NFIB: variants seen among roughly 807,000 people sequenced by gnomAD.
The protein encoded by NFIB is nuclear factor 1 B-type.
NFIB carries 11 observed loss-of-function variants against 61.5 expected under a neutral mutation model. The observed-to-expected ratio is 0.18, with a 90% CI of 0.11 to 0.30. The LOEUF is 0.30. Among genes scored for constraint, NFIB ranks in the 10% least tolerant of loss-of-function variants. The pLI is 1.00. For missense variants in NFIB, 471 were observed against 608.9 expected (o/e 0.77, Z 2.38); for synonymous variants, 260 against 216.5 (o/e 1.20, Z -1.76).
chr9:14,185,078 T>C (rs983887819), intron 2 of NFIB, among the ~76,000 whole-genome samples: 22 of 42,560 alleles, frequency 5.2e-4, no homozygotes, highest in Non-Finnish European at 1.4e-3. Context: ...CCTTTAAATA[T>C]TGTTTTAAAA....
chr9:14,106,179 G>C (rs772385999), intron 10 of NFIB, among the ~76,000 whole-genome samples: 6 of 151,996 alleles, frequency 3.9e-5, no homozygotes, highest in Non-Finnish European at 5.9e-5. Context: ...TAGAAATTCA[G>C]TCTGTTAGAA....
rs115129825 is a variant in NFIB, at chr9:14,279,172, A to G, written c.562+27817T>C. 4.7e-3 allele frequency among the ~76,000 whole-genome samples: 718 copies of G among 152,262 alleles called. 5 individuals are homozygous for G. Among genetic ancestry groups the G allele is most frequent in the African/African-American group, 0.015 (631 of 41,548 alleles). On this transcript the variant is annotated intron_variant, in intron 2 of 10. Coordinates refer to ENST00000380953, the MANE Select transcript of NFIB (RefSeq NM_001190737.2). ...TGATTGTTAACAATGCCATCATTATACAGACGGCAAAACCGAAGCACAAGT... is the reference window on the plus strand; with the variant it reads ...TGATTGTTAACAATGCCATCATTATGCAGACGGCAAAACCGAAGCACAAGT...
intron 6 of NFIB, among the ~76,000 whole-genome samples, chr9:14,129,690 A>T (rs1044212425): frequency 1.3e-5 from 2 of 152,208 alleles, no homozygotes; most frequent in Admixed American, 1.3e-4. Context: ...CTGTGAAGAA[A>T]AACAAATACC....
At chr9:14,189,657 A>G (rs1171582783) in intron 2 of NFIB, among the ~76,000 whole-genome samples, 1 of 150,974 alleles carries the variant, frequency 6.6e-6, no homozygotes, top group East Asian at 1.9e-4. Flanking sequence ...CGCTGACAAC[A>G]CAGGTAATTG....
intron 10 of NFIB, among the ~76,000 whole-genome samples, chr9:14,100,587 G>A (rs2035619586): frequency 6.6e-6 from 1 of 152,196 alleles, no homozygotes; most frequent in Non-Finnish European, 1.5e-5. Context: ...GCGGGCGCCT[G>A]TAGTCCCAGC....
chr9:14,241,511 T>G (rs1230846547), intron 2 of NFIB, among the ~76,000 whole-genome samples: 1 of 130,412 alleles, frequency 7.7e-6, no homozygotes, highest in Non-Finnish European at 1.7e-5. Flanking sequence ...ATTACATAAT[T>G]CAAAAAAAAA....
At chr9:14,187,027 A>ATATATGTGTGTG (rs1491093222) in intron 2 of NFIB, among the ~76,000 whole-genome samples, 3 of 60,966 alleles carry the variant, frequency 4.9e-5, no homozygotes, top group African/African-American at 1.1e-4. Flanking sequence ...GTGTGTGTGT[A>ATATATGTGTGTG]TGTGTGTGTG....
intron 2 of NFIB, among the ~76,000 whole-genome samples, chr9:14,223,707 C>G (rs893850933): frequency 1.3e-5 from 2 of 152,142 alleles, no homozygotes; most frequent in African/African-American, 4.8e-5. Flanking sequence ...AGAGGCCAAT[C>G]TAATTTCAAG....
intron 2 of NFIB, among the ~76,000 whole-genome samples, chr9:14,204,060 CA>C (rs2049351444): frequency 6.6e-6 from 1 of 152,196 alleles, no homozygotes; most frequent in African/African-American, 2.4e-5. Context: ...TAATCTCTAT[CA>C]AAGCATACGT....
intron 3 of NFIB, among the ~76,000 whole-genome samples, chr9:14,176,665 A>G (rs74699623): frequency 0.033 from 5,088 of 152,126 alleles, 278 homozygotes; most frequent in African/African-American, 0.12. Context: ...ACTCAAAGTA[A>G]GAACTAAAGG....
the NFIB span, among the ~76,000 whole-genome samples, chr9:14,469,026 G>C: frequency 6.6e-6 from 1 of 152,132 alleles, no homozygotes; most frequent in Non-Finnish European, 1.5e-5. Context: ...AGGCAGGCAG[G>C]CACAACAATG....
chr9:14,341,986 A>C (rs1055053490), intron 1 of NFIB, among the ~76,000 whole-genome samples: 6 of 151,894 alleles, frequency 4.0e-5, no homozygotes, highest in African/African-American at 1.2e-4. Context: ...CAAAATACCA[A>C]GAAAACAGCA....
chr9:14,475,999 G>T, the NFIB span, among the ~76,000 whole-genome samples: 1 of 152,044 alleles, frequency 6.6e-6, no homozygotes. Flanking sequence ...AAAAAAATTG[G>T]ACTTAACAAA....
At chr9:14,316,508 C>G (rs1408325986), upstream of NFIB, among the ~76,000 whole-genome samples, 1 of 152,262 alleles carries the variant, frequency 6.6e-6, no homozygotes, top group Non-Finnish European at 1.5e-5. Flanking sequence ...ATCCTGGAGT[C>G]AGCGTTCTGA....
At chr9:14,373,271 A>G (rs964839800) in intron 1 of NFIB, among the ~76,000 whole-genome samples, 1 of 152,228 alleles carries the variant, frequency 6.6e-6, no homozygotes, top group East Asian at 1.9e-4. Context: ...TTCTTTTTAC[A>G]GTGGTGTGAA....
At chr9:14,354,411 T>C (rs1185032226) in intron 1 of NFIB, among the ~76,000 whole-genome samples, 2 of 152,182 alleles carry the variant, frequency 1.3e-5, no homozygotes, top group Non-Finnish European at 2.9e-5. Context: ...AAGTGTTACA[T>C]GTGGTAGGTG....
chr9:14,157,742 C>T (rs1172371551), intron 3 of NFIB, among the ~76,000 whole-genome samples: 2 of 152,072 alleles, frequency 1.3e-5, no homozygotes, highest in African/African-American at 4.8e-5. Context: ...TCTTCTGGAC[C>T]ACTGTAACTT....
chr9:14,370,245 C>A (rs2061344512), intron 1 of NFIB, among the ~76,000 whole-genome samples: 1 of 152,202 alleles, frequency 6.6e-6, no homozygotes, highest in African/African-American at 2.4e-5. Flanking sequence ...ATTAATGGCT[C>A]CCTCTTCGCA....
intron 1 of NFIB, among the ~76,000 whole-genome samples, chr9:14,351,650 G>C (rs1458262360): frequency 1.3e-5 from 2 of 152,112 alleles, no homozygotes; most frequent in East Asian, 3.9e-4. Context: ...GTCTATCCTA[G>C]ATGACAACTT....
Sources: gnomAD v4.1 joint callset for allele counts (sites outside exome capture counted in the v4.1 genomes callset) on GRCh38, gnomAD v4.1.1 for gene constraint, MANE v1.5 for transcripts, NCBI Gene and HGNC (gene_info 2026-07-23, HGNC 2026-07-21) for gene names.